CDK14: variants seen among roughly 807,000 people sequenced by gnomAD.
CDK14 encodes cyclin-dependent kinase 14.
CDK14 carries 34 observed loss-of-function variants against 60.7 expected under a neutral mutation model. The observed-to-expected ratio is 0.56, with a 90% confidence interval of 0.43 to 0.75. The LOEUF is 0.75. Ranked by LOEUF, CDK14 falls within the 30% of genes least tolerant of loss-of-function variation. CDK14 has a pLI of 0.00. For synonymous variants in CDK14, 197 were observed against 203.7 expected, an observed-to-expected ratio of 0.97 and a Z score of 0.28; for missense variants, 482 against 564.1, an observed-to-expected ratio of 0.85 and a Z score of 1.47.
intron 7 of CDK14, among the ~76,000 whole-genome samples, chr7:90,915,150 A>T (rs965757202): frequency 6.6e-6 from 1 of 152,160 alleles, no homozygotes; most frequent in African/African-American, 2.4e-5. Flanking sequence ...TTTCTGGCCG[A>T]GTAGAGGCAA....
At chr7:90,887,500 G>T (rs1026813636) in intron 6 of CDK14, among the ~76,000 whole-genome samples, 3 of 152,044 alleles carry the variant, frequency 2.0e-5, no homozygotes, top group African/African-American at 7.2e-5. Flanking sequence ...TCTACATTGT[G>T]TATAATATAC....
chr7:90,688,030 C>A (rs1300699411), intron 2 of CDK14, among the ~76,000 whole-genome samples: 3 of 152,126 alleles, frequency 2.0e-5, no homozygotes, highest in Non-Finnish European at 2.9e-5. Flanking sequence ...ATTATGATTT[C>A]TTTTTTCCTC....
At chr7:91,172,914 A>G (rs1438198179) in intron 14 of CDK14, among the ~76,000 whole-genome samples, 1 of 152,144 alleles carries the variant, frequency 6.6e-6, no homozygotes. Context: ...CCTGTTAGGT[A>G]TGTTTCACAT....
At chr7:91,199,459 G>A (rs1584206734) in intron 14 of CDK14, among the ~76,000 whole-genome samples, 1 of 152,086 alleles carries the variant, frequency 6.6e-6, no homozygotes, top group Admixed American at 6.6e-5. Flanking sequence ...TTTTGTCCAT[G>A]TGTATCTAAA....
At chr7:90,712,711 TA>T (rs1390019187) in intron 2 of CDK14, among the ~76,000 whole-genome samples, 1 of 152,140 alleles carries the variant, frequency 6.6e-6, no homozygotes, top group Non-Finnish European at 1.5e-5. Flanking sequence ...ATTGAGATGC[TA>T]AGATTTTCAC....
At chr7:90,910,584 T>C (rs1412701934) in intron 7 of CDK14, among the ~76,000 whole-genome samples, 2 of 152,230 alleles carry the variant, frequency 1.3e-5, no homozygotes, top group African/African-American at 4.8e-5. Flanking sequence ...TTCATTTATC[T>C]ACCAGTGTCA....
intron 14 of CDK14, among the ~76,000 whole-genome samples, chr7:91,193,421 T>C (rs1802437090): frequency 6.6e-6 from 1 of 152,198 alleles, no homozygotes; most frequent in African/African-American, 2.4e-5. Flanking sequence ...GTTCTTTGTG[T>C]CTGTTCTCTT....
chr7:90,618,249 G>T (rs1248994824), intron 2 of CDK14, among the ~76,000 whole-genome samples: 1 of 152,168 alleles, frequency 6.6e-6, no homozygotes, highest in African/African-American at 2.4e-5. Flanking sequence ...TGGGTATAGG[G>T]AGAAACATTC....
rs1799450738 is a variant in CDK14, at chr7:91,110,892, A to AT, written c.1155-1644dup. On this transcript the variant is annotated intron_variant, in intron 12 of 14. Coordinates refer to ENST00000380050, the MANE Select transcript of CDK14 (RefSeq NM_001287135.2). ...AAGCCTATCTCAAACTTTGCGTTTG[A>AT]TTTTTTAAAAATATGAATGAAAAGT... is the stretch of plus-strand genomic sequence containing the variant. Among the ~76,000 whole-genome samples the AT allele has an allele frequency of 2.0e-5, 3 of 152,284 alleles. No individual in the cohort carries two copies. In the South Asian group the frequency reaches 6.2e-4, roughly 32 times the overall value.
rs115523338 is a variant in CDK14, at chr7:90,929,902, C to T, written c.826+12178C>T. ...CTAGAGTGAACACTACTACTGCTGT[C>T]CAATTTCAATGTTTGTTGTCTCTTA... On this transcript the variant is annotated intron_variant, in intron 8 of 14. Transcript: ENST00000380050. Among the ~76,000 whole-genome samples the T allele has an allele frequency of 5.2e-3, 796 of 152,242 alleles. 11 individuals carry two copies. Among genetic ancestry groups the T allele is most frequent in the African/African-American group, 0.018 (765 of 41,540 alleles).
intron 14 of CDK14, among the ~76,000 whole-genome samples, chr7:91,181,785 C>G (rs1030618152): frequency 6.6e-6 from 1 of 152,078 alleles, no homozygotes; most frequent in Non-Finnish European, 1.5e-5. Context: ...TTTGACCAGA[C>G]CCTAAGAATT....
At chr7:90,868,784 G>A (rs1005388298) in intron 6 of CDK14, among the ~76,000 whole-genome samples, 2 of 152,024 alleles carry the variant, frequency 1.3e-5, no homozygotes, top group African/African-American at 2.4e-5. Context: ...GTATTTTATC[G>A]ATGAGGAAAA....
intron 10 of CDK14, among the ~76,000 whole-genome samples, chr7:91,021,347 A>G (rs1359259465): frequency 6.6e-6 from 1 of 152,198 alleles, no homozygotes; most frequent in African/African-American, 2.4e-5. Flanking sequence ...AATAATATCT[A>G]CCTGATAGGA....
At chr7:91,163,653 C>T (rs1801241055) in intron 14 of CDK14, among the ~76,000 whole-genome samples, 1 of 152,118 alleles carries the variant, frequency 6.6e-6, no homozygotes, top group Non-Finnish European at 1.5e-5. Flanking sequence ...ATACATAATA[C>T]AGTATTATTG....
At chr7:90,626,924 AT>A (rs1799887562) in intron 2 of CDK14, among the ~76,000 whole-genome samples, 7 of 151,938 alleles carry the variant, frequency 4.6e-5, no homozygotes, top group Non-Finnish European at 8.8e-5. Flanking sequence ...CGGTGATAGA[AT>A]GAGACCCTGT....
At chr7:90,736,344 G>GGTTTTTTTT (rs1563063351) in intron 3 of CDK14, among the ~76,000 whole-genome samples, 1 of 41,034 alleles carries the variant, frequency 2.4e-5, no homozygotes, top group African/African-American at 9.0e-5. Flanking sequence ...ACTTTATTAT[G>GGTTTTTTTT]TTTTTGTTTT....
intron 9 of CDK14, among the ~76,000 whole-genome samples, chr7:90,972,074 G>C (rs984349115): frequency 6.6e-6 from 1 of 152,026 alleles, no homozygotes; most frequent in Non-Finnish European, 1.5e-5. Flanking sequence ...ATATAATTTT[G>C]TTTCATAGTT....
At chr7:90,993,535 G>A (rs982055435) in intron 10 of CDK14, among the ~76,000 whole-genome samples, 7 of 151,316 alleles carry the variant, frequency 4.6e-5, no homozygotes, top group Non-Finnish European at 7.4e-5. Flanking sequence ...GAAGGAAGGA[G>A]GGGGACATTT....
intron 10 of CDK14, among the ~76,000 whole-genome samples, chr7:91,020,628 G>A (rs1378520250): frequency 6.6e-6 from 1 of 152,168 alleles, no homozygotes; most frequent in Non-Finnish European, 1.5e-5. Context: ...TTGTGTTTGA[G>A]GGGATGAATA....
Sources: gnomAD v4.1 joint callset for allele counts (sites outside exome capture counted in the v4.1 genomes callset) on GRCh38, gnomAD v4.1.1 for gene constraint, MANE v1.5 for transcripts, NCBI Gene and HGNC (gene_info 2026-07-23, HGNC 2026-07-21) for gene names.